Variants in RAC2 observed in about 807,000 individuals in gnomAD.
RAC2 encodes Rac family small GTPase 2, also known as ras-related C3 botulinum toxin substrate 2.
Under a neutral mutation model 24.0 loss-of-function variants are expected in RAC2, and 1 was observed. The observed-to-expected ratio is 0.04, with a 90% CI of 0.01 to 0.20. The LOEUF is 0.20. RAC2 is among the 10% of genes least tolerant of loss of function. The pLI is 1.00. For synonymous variants in RAC2, 114 were observed against 106.8 expected, an observed-to-expected ratio of 1.07 and a Z score of -0.41; for missense variants, 130 against 259.1, an observed-to-expected ratio of 0.50 and a Z score of 3.42.
intron 5 of RAC2, among the ~76,000 whole-genome samples, chr22:37,228,907 A>T (rs914670323): frequency 6.6e-6 from 1 of 152,194 alleles, no homozygotes; most frequent in Non-Finnish European, 1.5e-5. Context: ...CCCACCAGGG[A>T]TCATGGGCAG....
intron 2 of RAC2, among the ~76,000 whole-genome samples, chr22:37,233,439 C>A (rs748024549): frequency 1.4e-4 from 21 of 152,146 alleles, no homozygotes; most frequent in Non-Finnish European, 2.5e-4. Flanking sequence ...TGCACCACCA[C>A]GCCCAGCTAA....
chr22:37,226,525 AC>A, intron 6 of RAC2, 145 bp downstream of exon 6: 1 of 1,067,936 alleles, frequency 9.4e-7, no homozygotes. Context: ...CAGGCAGATG[AC>A]AAGTAGGCTG....
chr22:37,225,347 C>T lies in RAC2; in HGVS notation c.*695G>A, dbSNP rs1428439562. On this transcript the variant is annotated 3_prime_UTR_variant, in exon 7 of 7. Coordinates refer to ENST00000249071, the MANE Select transcript of RAC2 (RefSeq NM_002872.5). ...TTGCAATAGCAAAAGTCCTGACTGGCAAGGTTTAAAAGTTTGAAGACTCTC... is the reference window on the plus strand; with the variant it reads ...TTGCAATAGCAAAAGTCCTGACTGGTAAGGTTTAAAAGTTTGAAGACTCTC... 6.6e-6 allele frequency: 1 copy of T among 152,168 alleles called. No homozygotes were observed. Among genetic ancestry groups the T allele is most frequent in the East Asian group, 1.9e-4 (1 of 5,196 alleles). The allele number at this position is 152,168 out of a possible 1,614,324, so 9.4% of individuals were successfully genotyped here. A position where few individuals can be genotyped will look rare whatever the true frequency, so the allele number is the denominator to read the frequency against.
At chr22:37,229,632 C>T (rs1195033879) in intron 5 of RAC2, among the ~76,000 whole-genome samples, 1 of 152,188 alleles carries the variant, frequency 6.6e-6, no homozygotes, top group Non-Finnish European at 1.5e-5. Context: ...TGCCAGTCCC[C>T]CCAGGACTCC....
At chr22:37,236,478 C>T (rs1414827795) in intron 2 of RAC2, among the ~76,000 whole-genome samples, 2 of 152,246 alleles carry the variant, frequency 1.3e-5, no homozygotes, top group South Asian at 2.1e-4. Context: ...ATCTCCCAGC[C>T]AGTGGGTGGC....
chr22:37,232,071 G>A (rs970278246), intron 3 of RAC2, 77 bp from the exon 4 acceptor site: 2 of 1,444,708 alleles, frequency 1.4e-6, no homozygotes, highest in Non-Finnish European at 1.9e-6. Flanking sequence ...GAGAGGTGGA[G>A]CTTGGGGCTC....
At position 37,232,820 on chromosome 22, in the gene RAC2, G is replaced by A. The variant is rs1443752435; in HGVS notation, c.206C>T (p.Pro69Leu). ...AGQEDYDRLRPLSYPQTDVFL... is the reference protein window; with the variant it reads ...AGQEDYDRLRLLSYPQTDVFL... The stretch of plus-strand genomic sequence containing the variant: ...GCACACCGTCTGTGGATAGGAGAGC[G>A]GCCGGAGACGGTCGTAGTCCTCCTG... Residue 69 changes from proline (P) to leucine (L), a missense_variant, in exon 3 of 7, where the codon CCG becomes CTG. Coordinates refer to ENST00000249071, the MANE Select transcript of RAC2 (RefSeq NM_002872.5). 1 of 1,613,526 alleles carries A rather than the reference G, an allele frequency of 6.2e-7. No homozygotes were observed. The highest frequency in any genetic ancestry group is 8.5e-7 in the Non-Finnish European group (1 of 1,179,724).
At chr22:37,226,145 G>A (rs1926828446) in intron 6 of RAC2, 106 bp from the exon 7 acceptor site, 1 of 164,562 alleles carries the variant, frequency 6.1e-6, no homozygotes, top group African/African-American at 2.4e-5. Flanking sequence ...TTTGCTCAAG[G>A]TTTGACTCCC....
Position 37,231,271 on chromosome 22 carries a change from G to A in RAC2, c.408C>T (p.Pro136=). 2 of 1,613,886 alleles carry A rather than the reference G, an allele frequency of 1.2e-6. No individual in the cohort carries two copies. The highest frequency in any genetic ancestry group is 1.7e-6 in the Non-Finnish European group (2 of 1,180,028). The part of the protein sequence containing the change: ...IEKLKEKKLA[P]ITYPQGLALA... ...GTGCCAGGCCCTGCGGGTAGGTGAT[G>A]GGAGCCAGCTTCTTCTCCTTCAGTT... Residue 136 remains proline, a synonymous_variant, in exon 5 of 7, where the codon CCC becomes CCT. Transcript: ENST00000249071. The surrounding 1 kb of genome is among the most constrained non-coding windows in gnomAD (Gnocchi z 5.5).
chr22:37,233,012 G>A lies in RAC2; in HGVS notation c.108-94C>T, dbSNP rs1302804830. 4 of 940,834 alleles carry A rather than the reference G, an allele frequency of 4.3e-6. No homozygotes were observed. The East Asian group carries it at 9.8e-5, about 23-fold the overall frequency. 58.3% of individuals were successfully genotyped at this position (940,834 alleles called of 1,614,324 possible). A position where few individuals can be genotyped will look rare whatever the true frequency, so the allele number is the denominator to read the frequency against. On this transcript the variant is annotated intron_variant, in intron 2 of 6. Transcript: ENST00000249071. ...CTCCATGTCATTCCTCGGAGGCTGA[G>A]ACCTAGAGACAGTCTGCGACTGGCC... is the stretch of plus-strand genomic sequence containing the variant.
intron 2 of RAC2, among the ~76,000 whole-genome samples, chr22:37,239,729 T>C (rs1363946718): frequency 1.3e-5 from 2 of 152,188 alleles, no homozygotes; most frequent in African/African-American, 4.8e-5. Flanking sequence ...TCAGCCAAGA[T>C]GCACAAAGGC....
chr22:37,234,278 A>C (rs9610685), intron 2 of RAC2, among the ~76,000 whole-genome samples: 16,596 of 152,242 alleles, frequency 0.11, 990 homozygotes, highest in East Asian at 0.24. Flanking sequence ...CCAAGCTCGG[A>C]ATAGGGGAGG....
Position 37,231,455 on chromosome 22 carries a change from G to A in RAC2, c.289-65C>T. 6.7e-7 allele frequency: 1 copy of A among 1,499,888 alleles called. No individual in the cohort carries two copies. The highest frequency in any genetic ancestry group is 9.2e-7 in the Non-Finnish European group (1 of 1,082,494). The allele number at this position is 1,499,888 out of a possible 1,614,324, so 92.9% of individuals were successfully genotyped here. On this transcript the variant is annotated intron_variant, in intron 4 of 6. Coordinates refer to ENST00000249071, the MANE Select transcript of RAC2 (RefSeq NM_002872.5). The surrounding 1 kb of genome is among the most constrained non-coding windows in gnomAD (Gnocchi z 5.5). ...AAGAGGGGGCGCGAGGCTGTGCGGG[G>A]ATCAGAGGGAGTGTGAGGGTGTAGG...
chr22:37,234,069 A>G (rs1345091579), intron 2 of RAC2, among the ~76,000 whole-genome samples: 1 of 152,040 alleles, frequency 6.6e-6, no homozygotes, highest in African/African-American at 2.4e-5. Context: ...AGAGCCCTGC[A>G]GGGCCATCGA....
rs2239774 is a variant in RAC2, at chr22:37,241,613, G to T, written c.81C>A (p.Ala27=). The T allele has an allele frequency of 1.2e-6, 2 of 1,613,708 alleles. No individual in the cohort carries two copies. Among genetic ancestry groups the T allele is most frequent in the Non-Finnish European group, 1.7e-6 (2 of 1,179,738 alleles). Residue 27 remains alanine (A), a synonymous_variant, in exon 2 of 7, where the codon GCC becomes GCA. Coordinates refer to ENST00000249071, the MANE Select transcript of RAC2 (RefSeq NM_002872.5). Reference sequence around the variant, plus strand: ...CGGTGGGGATGTACTCTCCGGGAAAGGCGTTGGTGGTGTAGCTGATGAGAA... The same window carrying T: ...CGGTGGGGATGTACTCTCCGGGAAATGCGTTGGTGGTGTAGCTGATGAGAA... ...TCLLISYTTN[A]FPGEYIPTVF... is the part of the protein sequence containing the mutation.
intron 2 of RAC2, among the ~76,000 whole-genome samples, chr22:37,239,845 C>G (rs1402940256): frequency 6.6e-6 from 1 of 152,210 alleles, no homozygotes; most frequent in Non-Finnish European, 1.5e-5. Context: ...CTAATTCTCC[C>G]TCCCTGCTCA....
At chr22:37,233,838 G>A (rs964352408) in intron 2 of RAC2, among the ~76,000 whole-genome samples, 4 of 151,678 alleles carry the variant, frequency 2.6e-5, no homozygotes, top group East Asian at 3.9e-4. Flanking sequence ...TGCTCAGGGC[G>A]TCCCCAGAGA....
intron 6 of RAC2, 33 bp downstream of exon 6, chr22:37,226,638 T>G: frequency 6.2e-7 from 1 of 1,610,546 alleles, no homozygotes; most frequent in Non-Finnish European, 8.5e-7. Context: ...CTGCTGTGTA[T>G]GGGAGTTGGG....
chr22:37,237,179 C>G (rs1009054454), intron 2 of RAC2, among the ~76,000 whole-genome samples: 6 of 145,530 alleles, frequency 4.1e-5, no homozygotes, highest in Non-Finnish European at 7.5e-5. Context: ...CACAGCGAGA[C>G]TCCGTCAGGA....
Sources: gnomAD v4.1 joint callset for allele counts (sites outside exome capture counted in the v4.1 genomes callset) on GRCh38, gnomAD v4.1.1 for gene constraint, Gnocchi (gnomAD v3.1) non-coding constraint, MANE v1.5 for transcripts, NCBI Gene and HGNC (gene_info 2026-07-23, HGNC 2026-07-21) for gene names.